The following DPP10 variants were observed in gnomAD, a reference collection of about 807,000 sequenced individuals.
DPP10 encodes the protein dipeptidyl peptidase like 10, also known as inactive dipeptidyl peptidase 10.
Under a neutral mutation model 120.9 loss-of-function variants are expected in DPP10, and 33 were observed. The observed-to-expected ratio is 0.27, with a 90% CI of 0.21 to 0.37. The LOEUF is 0.37. Ranked by LOEUF, DPP10 falls within the 10% of genes least tolerant of loss-of-function variation. The pLI, the probability that DPP10 is intolerant of heterozygous loss-of-function variation, is 1.00. For synonymous variants in DPP10, 337 were observed against 326.1 expected (o/e 1.03, Z -0.36); for missense variants, 816 against 942.8 (o/e 0.87, Z 1.76).
At chr2:115,419,885 A>G (rs1315056220) in intron 3 of DPP10, among the ~76,000 whole-genome samples, 1 of 152,158 alleles carries the variant, frequency 6.6e-6, no homozygotes, top group Non-Finnish European at 1.5e-5. Context: ...TTTAAGTAGT[A>G]TATTAATAAT....
Position 114,602,307 on chromosome 2 carries a change from A to G in DPP10, c.60+159469A>G, listed in dbSNP as rs111987938. Among the ~76,000 whole-genome samples the G allele has an allele frequency of 2.0e-3, 305 of 149,602 alleles. 1 individual carries two copies. Among genetic ancestry groups the G allele is most frequent in the African/African-American group, 7.2e-3 (287 of 39,734 alleles). On this transcript the variant is annotated intron_variant, in intron 1 of 25. Transcript: ENST00000410059. The stretch of plus-strand genomic sequence containing the variant: ...GCTCAATTCTATTCCTGTATGTAAT[A>G]CTTGTTAATGTGTGTGTGTGTGTGT...
intron 8 of DPP10, among the ~76,000 whole-genome samples, chr2:115,734,484 C>T (rs763951093): frequency 1.9e-4 from 29 of 151,580 alleles, no homozygotes; most frequent in Non-Finnish European, 3.5e-4. Context: ...GGTAAAACCC[C>T]GTCTCTAATA....
intron 1 of DPP10, among the ~76,000 whole-genome samples, chr2:114,632,037 T>A (rs1388670984): frequency 6.6e-6 from 1 of 152,212 alleles, no homozygotes; most frequent in African/African-American, 2.4e-5. Context: ...GATTGTTTCA[T>A]CTTGTTGCAA....
At chr2:114,480,261 C>T (rs972225843) in intron 1 of DPP10, among the ~76,000 whole-genome samples, 6 of 151,574 alleles carry the variant, frequency 4.0e-5, no homozygotes, top group African/African-American at 1.2e-4. Flanking sequence ...GTTAGTGGGA[C>T]TGTAAACTAG....
At chr2:114,665,931 A>G (rs1379677045) in intron 1 of DPP10, among the ~76,000 whole-genome samples, 3 of 152,198 alleles carry the variant, frequency 2.0e-5, no homozygotes, top group East Asian at 3.9e-4. Context: ...AGTTCTGGCT[A>G]TGATAGACTC....
intron 1 of DPP10, among the ~76,000 whole-genome samples, chr2:115,301,622 A>C (rs1458223387): frequency 1.3e-5 from 2 of 151,954 alleles, no homozygotes; most frequent in African/African-American, 4.8e-5. Context: ...TGGTTACCAG[A>C]GCTCCCAAAA....
At chr2:115,713,254 G>A (rs562091002) in intron 7 of DPP10, among the ~76,000 whole-genome samples, 2 of 152,242 alleles carry the variant, frequency 1.3e-5, no homozygotes, top group East Asian at 1.9e-4. Flanking sequence ...AGACCTAGAC[G>A]TCAGTTATGG....
chr2:114,465,558 T>TA (rs921265221), intron 1 of DPP10, among the ~76,000 whole-genome samples: 91 of 152,310 alleles, frequency 6.0e-4, no homozygotes, highest in African/African-American at 2.0e-3. Context: ...TAGCACATGT[T>TA]AAAAAAACAA....
chr2:114,650,944 A>G (rs1335651358), intron 1 of DPP10, among the ~76,000 whole-genome samples: 2 of 152,010 alleles, frequency 1.3e-5, no homozygotes, highest in Non-Finnish European at 2.9e-5. Flanking sequence ...GCTAACTATA[A>G]CTCATACATT....
chr2:114,661,960 C>T (rs574332549), intron 1 of DPP10, among the ~76,000 whole-genome samples: 1 of 151,648 alleles, frequency 6.6e-6, no homozygotes, highest in African/African-American at 2.4e-5. Context: ...TCTCCGGGAT[C>T]GCGCCGTTGC....
chr2:114,919,138 G>C (rs529295836), intron 1 of DPP10, among the ~76,000 whole-genome samples: 3 of 151,624 alleles, frequency 2.0e-5, no homozygotes, highest in Admixed American at 6.6e-5. Context: ...GATGAGGAAA[G>C]ACTGAGGGAG....
intron 19 of DPP10, among the ~76,000 whole-genome samples, chr2:115,799,896 C>T (rs1336612490): frequency 2.0e-5 from 3 of 151,666 alleles, no homozygotes; most frequent in African/African-American, 2.4e-5. Flanking sequence ...TATGAACATA[C>T]GTGTGCATGT....
At chr2:115,293,574 T>C (rs1379184997) in intron 1 of DPP10, among the ~76,000 whole-genome samples, 2 of 152,090 alleles carry the variant, frequency 1.3e-5, no homozygotes, top group African/African-American at 4.8e-5. Flanking sequence ...TCATGTGGTG[T>C]AGGTGAGCTT....
intron 7 of DPP10, among the ~76,000 whole-genome samples, chr2:115,699,728 C>CA (rs1327836768): frequency 6.6e-6 from 1 of 152,102 alleles, no homozygotes; most frequent in African/African-American, 2.4e-5. Context: ...ATACATGCTA[C>CA]AAAAAACTTA....
intron 5 of DPP10, among the ~76,000 whole-genome samples, chr2:115,668,661 G>A (rs1428885823): frequency 6.6e-6 from 1 of 152,042 alleles, no homozygotes; most frequent in Non-Finnish European, 1.5e-5. Flanking sequence ...GGGTGGGCTG[G>A]TCTGTCAGGT....
At chr2:114,726,362 A>G (rs1702051272) in intron 1 of DPP10, among the ~76,000 whole-genome samples, 1 of 152,198 alleles carries the variant, frequency 6.6e-6, no homozygotes, top group Non-Finnish European at 1.5e-5. Flanking sequence ...CAAGGTAAAT[A>G]GCAATGAGGA....
intron 1 of DPP10, among the ~76,000 whole-genome samples, chr2:114,607,493 CTG>C (rs1692914614): frequency 1.3e-5 from 2 of 152,170 alleles, no homozygotes; most frequent in South Asian, 2.1e-4. Flanking sequence ...GGACAAGAAA[CTG>C]TAGCTGATTC....
chr2:115,348,333 A>C (rs1198582180), intron 3 of DPP10, among the ~76,000 whole-genome samples: 1 of 152,198 alleles, frequency 6.6e-6, no homozygotes, highest in African/African-American at 2.4e-5. Flanking sequence ...ATCATGATCT[A>C]GAAAAGTGAA....
chr2:115,362,859 G>A (rs1189796829), intron 3 of DPP10, among the ~76,000 whole-genome samples: 2 of 152,176 alleles, frequency 1.3e-5, no homozygotes, highest in African/African-American at 4.8e-5. Context: ...TCTAGTGTTT[G>A]ACACATAGCT....
Sources: gnomAD v4.1 joint callset for allele counts (sites outside exome capture counted in the v4.1 genomes callset) on GRCh38, gnomAD v4.1.1 for gene constraint, MANE v1.5 for transcripts, NCBI Gene and HGNC (gene_info 2026-07-23, HGNC 2026-07-21) for gene names.